Variants in EPB41L5 observed in about 807,000 individuals in gnomAD.
EPB41L5 encodes the protein erythrocyte membrane protein band 4.1 like 5.
A neutral mutation model predicts 106.6 loss-of-function variants in EPB41L5; 55 were observed. That is an observed-to-expected ratio of 0.52 (90% confidence interval 0.42 to 0.65). The LOEUF (loss-of-function observed/expected upper bound fraction) is 0.65. EPB41L5 is among the 30% of genes least tolerant of loss of function. EPB41L5 has a pLI of 0.00. For synonymous variants in EPB41L5, 297 were observed against 306.7 expected (o/e 0.97, Z 0.33); for missense variants, 871 against 882.1 (o/e 0.99, Z 0.16).
Position 120,174,821 on chromosome 2 carries a change from C to T in EPB41L5, c.2136-20C>T, listed in dbSNP as rs746217646. 1.9e-6 allele frequency: 3 copies of T among 1,613,208 alleles called. No homozygotes were observed. Among genetic ancestry groups the T allele is most frequent in the Admixed American group, 3.3e-5 (2 of 60,006 alleles). On this transcript the variant is annotated intron_variant, in intron 24 of 24. Coordinates refer to ENST00000263713, the MANE Select transcript of EPB41L5 (RefSeq NM_020909.4). ...AAACCCCAGGGGTTCCCTGAGTAACCCATTCTCTCTTCCTTTCAGCTCTGG... is the reference window on the plus strand; with the variant it reads ...AAACCCCAGGGGTTCCCTGAGTAACTCATTCTCTCTTCCTTTCAGCTCTGG...
chr2:120,085,362 G>C (rs977492845), intron 10 of EPB41L5, among the ~76,000 whole-genome samples: 2 of 152,202 alleles, frequency 1.3e-5, no homozygotes, highest in African/African-American at 2.4e-5. Flanking sequence ...GTTGGAGTTT[G>C]CTGGAGGTCC....
intron 16 of EPB41L5, chr2:120,106,536 C>T: frequency 1.0e-6 from 1 of 985,344 alleles, no homozygotes; most frequent in Non-Finnish European, 1.2e-6. Flanking sequence ...AAGTAATAAC[C>T]TCCAGAAGCA....
intron 24 of EPB41L5, among the ~76,000 whole-genome samples, chr2:120,169,494 A>G (rs918268747): frequency 1.4e-4 from 22 of 152,358 alleles, no homozygotes; most frequent in African/African-American, 5.1e-4. Context: ...CACTTGGATT[A>G]TATCAAGAAA....
intron 16 of EPB41L5, among the ~76,000 whole-genome samples, chr2:120,110,464 C>T (rs1464238985): frequency 1.3e-5 from 2 of 152,172 alleles, no homozygotes; most frequent in African/African-American, 4.8e-5. Flanking sequence ...TCACCCTGAA[C>T]TTTTAAATTT....
At chr2:120,051,438 G>C (rs535753139) in intron 3 of EPB41L5, among the ~76,000 whole-genome samples, 2 of 152,188 alleles carry the variant, frequency 1.3e-5, no homozygotes, top group Non-Finnish European at 2.9e-5. Context: ...ATCTGTGAGC[G>C]TGGGACCCTC....
intron 2 of EPB41L5, among the ~76,000 whole-genome samples, chr2:120,032,993 C>T (rs11123539): frequency 0.72 from 109,787 of 152,044 alleles, 40,293 homozygotes; most frequent in Non-Finnish European, 0.79. Context: ...AAAATTTTCC[C>T]GTATGTATTG....
rs537629141 is a variant in EPB41L5 at position 120,081,438 on chromosome 2, C to T, written c.803+2857C>T. 2.8e-3 allele frequency among the ~76,000 whole-genome samples: 427 copies of T among 152,060 alleles called. 2 individuals carry two copies. The highest frequency in any genetic ancestry group is 9.5e-3 in the African/African-American group (396 of 41,490). On this transcript the variant is annotated intron_variant, in intron 10 of 24. Coordinates refer to ENST00000263713, the MANE Select transcript of EPB41L5 (RefSeq NM_020909.4). ...GGTTGTAGATGTGTGGTATTATTTC[C>T]GAGGGCTCTGTTCTGTTCCATTGGT...
intron 16 of EPB41L5, chr2:120,105,740 T>G: frequency 1.0e-6 from 1 of 985,340 alleles, no homozygotes; most frequent in Non-Finnish European, 1.2e-6. Context: ...AAATGGCCAC[T>G]AATGTATGGC....
intron 17 of EPB41L5, among the ~76,000 whole-genome samples, chr2:120,131,397 G>A (rs1259615937): frequency 2.0e-5 from 3 of 152,188 alleles, no homozygotes; most frequent in African/African-American, 7.2e-5. Context: ...GAGTGCTGCA[G>A]ATATAGGGTG....
intron 2 of EPB41L5, among the ~76,000 whole-genome samples, chr2:120,030,182 C>A (rs1284871108): frequency 4.6e-5 from 7 of 152,210 alleles, no homozygotes; most frequent in Non-Finnish European, 4.4e-5. Context: ...TTGGTAATAA[C>A]CATTTCCCGA....
intron 19 of EPB41L5, among the ~76,000 whole-genome samples, chr2:120,143,593 C>T (rs908912398): frequency 2.6e-5 from 4 of 152,164 alleles, no homozygotes; most frequent in Admixed American, 1.3e-4. Context: ...CTTGGCTCTC[C>T]GTGACTTTCA....
At chr2:120,080,516 A>G (rs1041137458) in intron 10 of EPB41L5, among the ~76,000 whole-genome samples, 5 of 152,198 alleles carry the variant, frequency 3.3e-5, no homozygotes, top group Admixed American at 6.5e-5. Flanking sequence ...ATTGATGGAC[A>G]TTGGGGTTGG....
intron 20 of EPB41L5, among the ~76,000 whole-genome samples, chr2:120,154,330 T>C (rs1360658502): frequency 6.6e-6 from 1 of 151,460 alleles, no homozygotes; most frequent in Non-Finnish European, 1.5e-5. Context: ...GGCTAATTTT[T>C]TTTTTTGTAT....
At chr2:120,054,561 T>C (rs1190403196) in intron 3 of EPB41L5, among the ~76,000 whole-genome samples, 7 of 151,880 alleles carry the variant, frequency 4.6e-5, no homozygotes, top group Admixed American at 4.6e-4. Context: ...TGGAGTGCAG[T>C]GGTGCAATTT....
chr2:120,131,726 T>A lies in EPB41L5; in HGVS notation c.1599+11T>A. 1 of 1,585,972 alleles carries A rather than the reference T, an allele frequency of 6.3e-7. No individual in the cohort carries two copies. Among genetic ancestry groups the A allele is most frequent in the Non-Finnish European group, 8.7e-7 (1 of 1,154,428 alleles). ...AACATAAACAGCCAGGTATTCAGAT[T>A]TCCCCTGTGTATACCTGTTACACAT... On this transcript the variant is annotated intron_variant, in intron 18 of 24. Transcript: ENST00000263713.
At chr2:120,112,724 T>C (rs1464316318) in intron 16 of EPB41L5, among the ~76,000 whole-genome samples, 1 of 152,170 alleles carries the variant, frequency 6.6e-6, no homozygotes, top group African/African-American at 2.4e-5. Context: ...GTAAAGAGTA[T>C]AGAATTTATG....
chr2:120,112,779 G>T lies in EPB41L5; in HGVS notation c.1337+11965G>T, dbSNP rs747133171. Among the ~76,000 whole-genome samples, 95 of 152,330 alleles carry T rather than the reference G, an allele frequency of 6.2e-4. No homozygotes were observed. The Middle Eastern group carries it at 0.01, about 16-fold the overall frequency. ...ATAGCTAATACTTGAGTGCTTCTGT[G>T]CCAGACATTGTTCTGGAGGTACAGC... On this transcript the variant is annotated intron_variant, in intron 16 of 24. Transcript: ENST00000263713.
chr2:120,141,724 A>G (rs376276185), intron 18 of EPB41L5, among the ~76,000 whole-genome samples: 3 of 152,234 alleles, frequency 2.0e-5, no homozygotes, highest in African/African-American at 4.8e-5. Flanking sequence ...TATTAGCTAG[A>G]TGATTGCCAC....
chr2:120,020,616 A>C (rs1210078263), intron 2 of EPB41L5, among the ~76,000 whole-genome samples: 5 of 152,162 alleles, frequency 3.3e-5, no homozygotes, highest in Admixed American at 3.3e-4. Flanking sequence ...TTGTGAGGAT[A>C]GTTTTCATAC....
Sources: gnomAD v4.1 joint callset for allele counts (sites outside exome capture counted in the v4.1 genomes callset) on GRCh38, gnomAD v4.1.1 for gene constraint, MANE v1.5 for transcripts, NCBI Gene and HGNC (gene_info 2026-07-23, HGNC 2026-07-21) for gene names.